Variants in GTF2IRD1 observed in about 807,000 individuals in gnomAD.
GTF2IRD1 encodes general transcription factor II-I repeat domain-containing protein 1.
Under a neutral mutation model 113.2 loss-of-function variants are expected in GTF2IRD1, and 26 were observed. The ratio of observed to expected loss-of-function variants is 0.23; its 90% confidence interval spans 0.17 to 0.32. The LOEUF (loss-of-function observed/expected upper bound fraction) is 0.32, where lower values mean the gene tolerates loss of function less well. Among genes scored for constraint, GTF2IRD1 ranks in the 10% least tolerant of loss-of-function variants. The pLI is 1.00. For synonymous variants in GTF2IRD1, 484 were observed against 529.1 expected, an observed-to-expected ratio of 0.91 and a Z score of 1.17; for missense variants, 864 against 1,280.8, an observed-to-expected ratio of 0.67 and a Z score of 4.97.
intron 22 of GTF2IRD1, among the ~76,000 whole-genome samples, chr7:74,565,051 G>A (rs1328508611): frequency 6.3e-5 from 3 of 47,752 alleles, no homozygotes; most frequent in Non-Finnish European, 7.7e-5. Flanking sequence ...GGGGGGCCTC[G>A]GGTTGCAGAG....
intron 25 of GTF2IRD1, among the ~76,000 whole-genome samples, chr7:74,599,273 C>CA (rs1802602410): frequency 6.6e-6 from 1 of 152,130 alleles, no homozygotes; most frequent in South Asian, 2.1e-4. Flanking sequence ...GACCTTGTCT[C>CA]AAAAAGACAA....
At chr7:74,571,682 A>G (rs1178707115) in intron 22 of GTF2IRD1, among the ~76,000 whole-genome samples, 2 of 152,124 alleles carry the variant, frequency 1.3e-5, no homozygotes, top group Admixed American at 6.5e-5. Context: ...GGAAACATAA[A>G]GAGATCCTGT....
Position 74,497,020 on chromosome 7 carries a change from G to C in GTF2IRD1, c.-6-11055G>C, listed in dbSNP as rs557880186. On this transcript the variant is annotated intron_variant, in intron 1 of 26. Transcript: ENST00000424337. ...CTACAAAAAAATTTAAAATTAGCCA[G>C]GCATGGCGGTGCACACCTGTAGTCC... Among the ~76,000 whole-genome samples the C allele has an allele frequency of 1.8e-4, 27 of 152,180 alleles. No homozygotes were observed. In the South Asian group the frequency reaches 5.0e-3, roughly 28 times the overall value.
At chr7:74,454,579 C>T (rs1253232449) in intron 1 of GTF2IRD1, among the ~76,000 whole-genome samples, 7 of 90,692 alleles carry the variant, frequency 7.7e-5, no homozygotes, top group Admixed American at 1.1e-4. Flanking sequence ...AGGCCGCGGT[C>T]CCCGCCTTTC....
intron 1 of GTF2IRD1, among the ~76,000 whole-genome samples, chr7:74,465,294 C>T (rs1204781381): frequency 6.6e-6 from 1 of 152,142 alleles, no homozygotes; most frequent in Non-Finnish European, 1.5e-5. Context: ...CCACCAGCTC[C>T]CTGAGATATT....
chr7:74,509,220 G>A (rs1554342154), intron 2 of GTF2IRD1, among the ~76,000 whole-genome samples: 1 of 152,090 alleles, frequency 6.6e-6, no homozygotes, highest in East Asian at 1.9e-4. Context: ...AGCTGGGCCT[G>A]GTGGCACATG....
intron 9 of GTF2IRD1, among the ~76,000 whole-genome samples, chr7:74,532,908 C>T (rs1554349253): frequency 2.0e-5 from 3 of 152,124 alleles, no homozygotes; most frequent in Non-Finnish European, 2.9e-5. Flanking sequence ...AGGCTCTGTC[C>T]GTGGTCCAGC....
intron 1 of GTF2IRD1, among the ~76,000 whole-genome samples, chr7:74,490,043 T>C: frequency 6.6e-6 from 1 of 152,066 alleles, no homozygotes; most frequent in African/African-American, 2.4e-5. Flanking sequence ...TCATAGCTCA[T>C]TGCAGCCTTG....
intron 19 of GTF2IRD1, among the ~76,000 whole-genome samples, chr7:74,556,243 C>A (rs1554356817): frequency 6.6e-6 from 1 of 150,518 alleles, no homozygotes; most frequent in African/African-American, 2.4e-5. Flanking sequence ...CAGAGCAAGA[C>A]CCTGTCTCAA....
intron 14 of GTF2IRD1, among the ~76,000 whole-genome samples, chr7:74,542,095 CA>C (rs781834327): frequency 0.056 from 7,318 of 130,690 alleles, 242 homozygotes; most frequent in Non-Finnish European, 0.083. Flanking sequence ...GACACCATCT[CA>C]AAAAAAAAAA....
chr7:74,551,603 G>A lies in GTF2IRD1; in HGVS notation c.1917-3571G>A, dbSNP rs587750889. ...CTGGATAAGAAGGTGACATTGAAGC[G>A]GTGACCCAATGAAGGGAGAGGGCCA... On this transcript the variant is annotated intron_variant, in intron 17 of 26. Transcript: ENST00000424337. Among the ~76,000 whole-genome samples the A allele has an allele frequency of 7.9e-5, 12 of 152,176 alleles. No individual in the cohort carries two copies. The South Asian group carries it at 1.2e-3, about 16-fold the overall frequency.
rs1796691223 is a variant in GTF2IRD1 at position 74,512,398 on chromosome 7, A to G, written c.124-432A>G. On this transcript the variant is annotated intron_variant, in intron 2 of 26. Transcript: ENST00000424337. This position sits in a 1 kb window ranked among gnomAD's most constrained non-coding sequence, Gnocchi z 4.4. ...GTGGAAACTGGAGCCCAGAGGAGGGACGTGACTTGCTCAAGTCCCACAGCA... is the reference window on the plus strand; with the variant it reads ...GTGGAAACTGGAGCCCAGAGGAGGGGCGTGACTTGCTCAAGTCCCACAGCA... Among the ~76,000 whole-genome samples, 1 of 152,098 alleles carries G rather than the reference A, an allele frequency of 6.6e-6. No individual in the cohort carries two copies. Among genetic ancestry groups the G allele is most frequent in the Non-Finnish European group, 1.5e-5 (1 of 68,006 alleles).
intron 6 of GTF2IRD1, among the ~76,000 whole-genome samples, 168 bp downstream of exon 6, chr7:74,519,887 C>T (rs1797167183): frequency 6.6e-6 from 1 of 152,114 alleles, no homozygotes; most frequent in African/African-American, 2.4e-5. Context: ...CTGAGACCCC[C>T]TTGGACCTTG....
At chr7:74,483,792 G>A (rs1468100180) in intron 1 of GTF2IRD1, among the ~76,000 whole-genome samples, 1 of 151,746 alleles carries the variant, frequency 6.6e-6, no homozygotes, top group Non-Finnish European at 1.5e-5. Context: ...GAGTTTGAGG[G>A]TGCAGTGAGC....
At chr7:74,572,636 GCA>G (rs1399789541) in intron 22 of GTF2IRD1, 1 of 753,572 alleles carries the variant, frequency 1.3e-6, no homozygotes, top group Non-Finnish European at 1.6e-6. Context: ...TCACACACAG[GCA>G]CACACCCTCT....
intron 20 of GTF2IRD1, among the ~76,000 whole-genome samples, chr7:74,558,364 T>TTTTTG (rs1799740153): frequency 8.2e-6 from 1 of 121,280 alleles, no homozygotes; most frequent in Non-Finnish European, 1.8e-5. Context: ...TTTTTTTTTT[T>TTTTTG]TTTTTTTTTT....
chr7:74,571,102 C>T (rs587672599), intron 22 of GTF2IRD1: 1 of 985,360 alleles, frequency 1.0e-6, no homozygotes, highest in Admixed American at 6.1e-5. Flanking sequence ...CAGCGCCCCA[C>T]CTCTCCTTCC....
At chr7:74,535,567 A>T (rs1798243967) in intron 10 of GTF2IRD1, among the ~76,000 whole-genome samples, 1 of 152,104 alleles carries the variant, frequency 6.6e-6, no homozygotes, top group African/African-American at 2.4e-5. Flanking sequence ...CAGCAGTGTG[A>T]CTCCAGAGCC....
intron 9 of GTF2IRD1, 68 bp downstream of exon 9, chr7:74,529,985 A>C: frequency 8.4e-7 from 1 of 1,193,946 alleles, no homozygotes; most frequent in East Asian, 2.5e-5. Flanking sequence ...CAAGGCAGGC[A>C]GATCGCTTGA....
Sources: allele counts gnomAD v4.1 joint callset (sites outside exome capture counted in the v4.1 genomes callset), GRCh38; gene constraint gnomAD v4.1.1; non-coding constraint Gnocchi (gnomAD v3.1); transcripts MANE v1.5; gene names NCBI Gene and HGNC (gene_info 2026-07-23, HGNC 2026-07-21).